OLA1: variants seen among roughly 807,000 people sequenced by gnomAD.
OLA1 encodes the protein Obg like ATPase 1, also known as obg-like ATPase 1.
Under a neutral mutation model 48.4 loss-of-function variants are expected in OLA1, and 14 were observed. The ratio of observed to expected loss-of-function variants is 0.29; its 90% CI spans 0.19 to 0.45. The LOEUF (loss-of-function observed/expected upper bound fraction) is 0.45. Ranked by LOEUF, OLA1 falls within the 20% of genes least tolerant of loss-of-function variation. OLA1 has a pLI of 1.00. For missense variants in OLA1, 325 were observed against 467.1 expected (o/e 0.70, Z 2.80); for synonymous variants, 127 against 150.4 (o/e 0.84, Z 1.14).
Position 174,123,247 on chromosome 2 carries a change from T to C in OLA1, c.661A>G (p.Thr221Ala), listed in dbSNP as rs1405623362. The C allele has an allele frequency of 1.3e-6, 2 of 1,562,308 alleles. No individual in the cohort carries two copies. Among genetic ancestry groups the C allele is most frequent in the Non-Finnish European group, 1.8e-6 (2 of 1,142,680 alleles). Residue 221 changes from threonine to alanine, a missense_variant, in exon 7 of 11, where the codon ACT (threonine) becomes GCT (alanine). Physicochemically the swap from Thr to Ala is moderately conservative, Grantham distance 58. Coordinates refer to ENST00000284719, the MANE Select transcript of OLA1 (RefSeq NM_013341.5). ...IEVLNKHLFLTSKPMVYLVNL... is the reference protein window; with the variant it reads ...IEVLNKHLFLASKPMVYLVNL... ...ACCAAGTAGACCATTGGTTTTGAAG[T>C]CAAAAATAAGTGTTTATTCAACACT... is the stretch of plus-strand genomic sequence containing the variant.
chr2:174,134,791 A>C (rs1018136297), intron 5 of OLA1, among the ~76,000 whole-genome samples: 4 of 152,210 alleles, frequency 2.6e-5, no homozygotes, highest in African/African-American at 9.6e-5. Context: ...TGTTATGTAT[A>C]GTTTACCACA....
intron 4 of OLA1, among the ~76,000 whole-genome samples, chr2:174,193,845 G>A (rs1182330859): frequency 3.9e-5 from 6 of 152,090 alleles, no homozygotes; most frequent in Non-Finnish European, 5.9e-5. Flanking sequence ...AGAAATGGTT[G>A]GGGGCCCAGA....
At chr2:174,171,793 A>G (rs1441933308) in intron 4 of OLA1, 2 of 152,332 alleles carry the variant, frequency 1.3e-5, no homozygotes, top group East Asian at 1.9e-4. Flanking sequence ...GCAGCCCCCA[A>G]CCACTACTGC....
chr2:174,109,852 TGAAG>T (rs1685605943), intron 7 of OLA1, among the ~76,000 whole-genome samples: 1 of 152,214 alleles, frequency 6.6e-6, no homozygotes, highest in Non-Finnish European at 1.5e-5. Flanking sequence ...GGGCTACATG[TGAAG>T]GTTCGTTACA....
intron 5 of OLA1, among the ~76,000 whole-genome samples, chr2:174,141,118 G>C (rs1686436945): frequency 6.6e-6 from 1 of 152,122 alleles, no homozygotes; most frequent in Admixed American, 6.5e-5. Context: ...TTTTAGTAGG[G>C]ACAGGGTTTC....
intron 7 of OLA1, among the ~76,000 whole-genome samples, chr2:174,122,641 T>C (rs1685939458): frequency 6.6e-6 from 1 of 152,146 alleles, no homozygotes; most frequent in Non-Finnish European, 1.5e-5. Context: ...TTTGGTTACA[T>C]GCCAAAAATG....
chr2:174,105,949 A>G (rs1206926817), intron 7 of OLA1, among the ~76,000 whole-genome samples: 1 of 152,070 alleles, frequency 6.6e-6, no homozygotes, highest in Non-Finnish European at 1.5e-5. Flanking sequence ...TACACACACA[A>G]CTATACAAGA....
intron 4 of OLA1, chr2:174,217,809 CA>C (rs1688401211): frequency 6.6e-6 from 1 of 152,092 alleles, no homozygotes; most frequent in Non-Finnish European, 1.5e-5. Context: ...TTCCACTCAG[CA>C]TAATTATTTT....
At chr2:174,159,503 G>C (rs1359447135) in intron 4 of OLA1, among the ~76,000 whole-genome samples, 1 of 152,060 alleles carries the variant, frequency 6.6e-6, no homozygotes. Context: ...TGTGTTACAT[G>C]TGTACAAAAA....
At chr2:174,232,773 G>T (rs1265298148) in intron 2 of OLA1, among the ~76,000 whole-genome samples, 2 of 152,140 alleles carry the variant, frequency 1.3e-5, no homozygotes, top group African/African-American at 4.8e-5. Context: ...ATGTAAAGTG[G>T]TATAGACGCT....
At chr2:174,200,233 T>C (rs1286053562) in intron 4 of OLA1, among the ~76,000 whole-genome samples, 1 of 152,148 alleles carries the variant, frequency 6.6e-6, no homozygotes, top group Non-Finnish European at 1.5e-5. Flanking sequence ...TTAAAAGTTT[T>C]AGAGTCTCGA....
At chr2:174,246,174 C>T (rs1228323163) in intron 2 of OLA1, among the ~76,000 whole-genome samples, 2 of 151,656 alleles carry the variant, frequency 1.3e-5, no homozygotes, top group Admixed American at 6.6e-5. Flanking sequence ...GTGGTGCGCG[C>T]CTGTAATCCC....
intron 7 of OLA1, among the ~76,000 whole-genome samples, chr2:174,122,207 G>C (rs1218864085): frequency 6.6e-6 from 1 of 152,096 alleles, no homozygotes; most frequent in African/African-American, 2.4e-5. Context: ...ATGTCTTATA[G>C]TAATATCAAC....
chr2:174,138,909 A>G (rs1686373913), intron 5 of OLA1, among the ~76,000 whole-genome samples: 1 of 152,206 alleles, frequency 6.6e-6, no homozygotes, highest in South Asian at 2.1e-4. Context: ...GGTAGTCTTT[A>G]GTTCTTCAAT....
intron 2 of OLA1, among the ~76,000 whole-genome samples, chr2:174,238,878 A>G (rs905588174): frequency 6.6e-6 from 1 of 152,222 alleles, no homozygotes; most frequent in Admixed American, 6.5e-5. Flanking sequence ...CTCAAAAAAT[A>G]AAGAGGACAT....
chr2:174,204,312 A>T (rs1476142495), intron 4 of OLA1, among the ~76,000 whole-genome samples: 1 of 152,024 alleles, frequency 6.6e-6, no homozygotes, highest in Admixed American at 6.5e-5. Flanking sequence ...GACGCAGGAG[A>T]ATGGCATGAA....
intron 7 of OLA1, among the ~76,000 whole-genome samples, chr2:174,114,202 C>T (rs984949331): frequency 3.4e-5 from 5 of 148,696 alleles, no homozygotes; most frequent in African/African-American, 4.9e-5. Flanking sequence ...AATTAGCCAG[C>T]CTGGTGGCGG....
At position 174,079,036 on chromosome 2, in the gene OLA1, C is replaced by T; in HGVS notation, c.1021G>A (p.Gly341Arg). 2 of 1,603,384 alleles carry T rather than the reference C, an allele frequency of 1.2e-6. No homozygotes were observed. Among genetic ancestry groups the T allele is most frequent in the Non-Finnish European group, 1.7e-6 (2 of 1,174,932 alleles). The change falls in exon 10 of 11, where the codon GGA becomes AGA. Residue 341 changes from glycine (G) to arginine (R), a missense_variant. Coordinates refer to ENST00000284719, the MANE Select transcript of OLA1 (RefSeq NM_013341.5). ...AGKIHTDFEK[G>R]FIMAEVMKYE... Reference sequence around the variant, plus strand: ...TTCATTACTTCAGCCATAATGAATCCCTTTTCAAAATCTGTGTGAATCTTT... The same window carrying T: ...TTCATTACTTCAGCCATAATGAATCTCTTTTCAAAATCTGTGTGAATCTTT...
chr2:174,099,545 T>C (rs1480428894), intron 7 of OLA1, among the ~76,000 whole-genome samples: 1 of 152,170 alleles, frequency 6.6e-6, no homozygotes, highest in Non-Finnish European at 1.5e-5. Context: ...AGCTGTTTCA[T>C]ATACTCCATT....
Sources: gnomAD v4.1 joint callset for allele counts (sites outside exome capture counted in the v4.1 genomes callset) on GRCh38, gnomAD v4.1.1 for gene constraint, MANE v1.5 for transcripts, NCBI Gene and HGNC (gene_info 2026-07-23, HGNC 2026-07-21) for gene names.